KNL1: variants seen among roughly 807,000 people sequenced by gnomAD.
The protein encoded by KNL1 is outer kinetochore KNL1 complex subunit KNL1.
KNL1 carries 66 observed loss-of-function variants against 201.3 expected under a neutral mutation model. That is an observed-to-expected ratio of 0.33 (90% CI 0.27 to 0.40). The LOEUF is 0.40. Among genes scored for constraint, KNL1 ranks in the 10% least tolerant of loss-of-function variants. The pLI is 1.00. For missense variants in KNL1, 2,815 were observed against 2,690.5 expected (o/e 1.05, Z -1.02); for synonymous variants, 895 against 899.2 (o/e 1.00, Z 0.08).
At chr15:40,655,047 C>G in intron 22 of KNL1, 70 bp downstream of exon 22, 1 of 1,245,380 alleles carries the variant, frequency 8.0e-7, no homozygotes, top group Non-Finnish European at 1.2e-6. Flanking sequence ...CCTTTAATCC[C>G]AGCACTTTGG....
Position 40,628,655 on chromosome 15 carries a change from A to G in KNL1, c.5560A>G (p.Ile1854Val), listed in dbSNP as rs1892818549. ...QMESQFLRDT[I>V]CEESLREKLQ... ...GGAATCACAGTTTCTCAGAGATACT[A>G]TTTGTGAAGAGAGCTTGAGGGAGGT... is the stretch of plus-strand genomic sequence containing the variant. Residue 1854 changes from isoleucine to valine, a missense_variant, in exon 12 of 26, where the codon ATT (isoleucine) becomes GTT (valine). Ile to Val is a conservative substitution (Grantham distance 29). Coordinates refer to ENST00000399668, the MANE Select transcript of KNL1 (RefSeq NM_144508.5). The G allele has an allele frequency of 1.1e-5, 18 of 1,600,662 alleles. No homozygotes were observed. Among genetic ancestry groups the G allele is most frequent in the South Asian group, 6.8e-5 (6 of 88,464 alleles).
intron 19 of KNL1, 102 bp from the exon 20 acceptor site, chr15:40,651,369 G>A: frequency 1.8e-6 from 1 of 542,372 alleles, no homozygotes; most frequent in South Asian, 3.1e-5. Context: ...CCTCAATGGG[G>A]AGTCATGTAG....
intron 7 of KNL1, among the ~76,000 whole-genome samples, chr15:40,614,995 T>G (rs1310898120): frequency 1.3e-5 from 2 of 152,182 alleles, no homozygotes; most frequent in African/African-American, 4.8e-5. Context: ...ACTTCAGGTC[T>G]CAAGTGATCC....
At chr15:40,648,829 C>CTTTTT (rs35251316) in intron 17 of KNL1, among the ~76,000 whole-genome samples, 1 of 103,284 alleles carries the variant, frequency 9.7e-6, no homozygotes, top group Non-Finnish European at 2.1e-5. Context: ...ACTTAACTTT[C>CTTTTT]TTTTTTTTTT....
intron 3 of KNL1, 39 bp from the exon 4 acceptor site, chr15:40,606,354 T>C (rs777930213): frequency 9.9e-6 from 12 of 1,217,898 alleles, no homozygotes; most frequent in Non-Finnish European, 1.5e-5. Context: ...TTAATAGATA[T>C]GCCAGATTTT....
At chr15:40,637,480 T>G (rs566588706) in intron 13 of KNL1, among the ~76,000 whole-genome samples, 1 of 152,258 alleles carries the variant, frequency 6.6e-6, no homozygotes, top group African/African-American at 2.4e-5. Context: ...AGAAGTGATA[T>G]ACTCCAGGTT....
chr15:40,600,907 A>G (rs1481438955), intron 1 of KNL1, among the ~76,000 whole-genome samples: 1 of 152,252 alleles, frequency 6.6e-6, no homozygotes, highest in African/African-American at 2.4e-5. Context: ...TTAAAGCATT[A>G]TCAGCTATGC....
chr15:40,660,175 G>C (rs183981724), intron 25 of KNL1, among the ~76,000 whole-genome samples: 18 of 152,076 alleles, frequency 1.2e-4, no homozygotes, highest in Non-Finnish European at 2.4e-4. Flanking sequence ...CTTCCAAAGT[G>C]CTGGGGATTA....
At position 40,624,313 on chromosome 15, in the gene KNL1, A is replaced by T. The variant is rs1278406288; in HGVS notation, c.4049A>T (p.Tyr1350Phe). 2 of 1,613,956 alleles carry T rather than the reference A, an allele frequency of 1.2e-6. No individual in the cohort carries two copies. Among genetic ancestry groups the T allele is most frequent in the Non-Finnish European group, 1.7e-6 (2 of 1,179,962 alleles). The change falls in exon 10 of 26, where the codon TAC (tyrosine) becomes TTC (phenylalanine). Residue 1350 changes from tyrosine (Y) to phenylalanine (F), a missense_variant. Transcript: ENST00000399668. The stretch of plus-strand genomic sequence containing the variant: ...GCAAATGATTTTGCCAGTGAATATT[A>T]CTTGGAATCTGAGGGACAGCCTCTC... ...AYANDFASEY[Y>F]LESEGQPLSA...
At position 40,647,028 on chromosome 15, in the gene KNL1, TA is replaced by T; in HGVS notation, c.6052del (p.Ile2018TyrfsTer35). On this transcript the variant is annotated frameshift_variant, in exon 17 of 26. Transcript: ENST00000399668. LOFTEE classifies it high-confidence loss of function. ...KLQIKIDEMDKILKKIDNCLT... is the reference protein window; with the variant it reads ...KLQIKIDEMDXILKKIDNCLT... ...TTCAAATAAAGATAGATGAGATGGA[TA>T]AAATACTTAAGAAGATCGATAACTG... The T allele has an allele frequency of 6.5e-7, 1 of 1,535,032 alleles. No homozygotes were observed. Among genetic ancestry groups the T allele is most frequent in the East Asian group, 2.2e-5 (1 of 44,454 alleles).
chr15:40,627,082 T>G (rs1391266948), intron 10 of KNL1, among the ~76,000 whole-genome samples: 1 of 147,604 alleles, frequency 6.8e-6, no homozygotes, highest in Non-Finnish European at 1.5e-5. Flanking sequence ...TTCAGTAGAG[T>G]CAGGGTTTCA....
intron 13 of KNL1, among the ~76,000 whole-genome samples, chr15:40,631,120 AAAATAAAAATAAAAAT>A (rs1892900706): frequency 1.3e-5 from 2 of 151,630 alleles, no homozygotes; most frequent in African/African-American, 4.9e-5. Context: ...CCTGTCTCAA[AAAATAAAAATAAAAAT>A]AAATAAAAAT....
chr15:40,645,845 A>G, intron 16 of KNL1, 73 bp downstream of exon 16: 2 of 779,342 alleles, frequency 2.6e-6, no homozygotes, highest in South Asian at 4.7e-5. Context: ...TAGAATATGA[A>G]GAATCTTCCT....
rs371500985 is a variant in KNL1, at chr15:40,622,615, A to C, written c.2351A>C (p.Lys784Thr). Residue 784 changes from lysine to threonine, a missense_variant, in exon 10 of 26, where the codon AAA becomes ACA. Coordinates refer to ENST00000399668, the MANE Select transcript of KNL1 (RefSeq NM_144508.5). Reference protein sequence around the residue: ...FGPSELQELGKTNLEHTTGQL... With the variant: ...FGPSELQELGTTNLEHTTGQL... ...CCTTCTGAACTACAAGAACTTGGTAAAACTAATTTAGAACACACTACTGGC... is the reference window on the plus strand; with the variant it reads ...CCTTCTGAACTACAAGAACTTGGTACAACTAATTTAGAACACACTACTGGC... 9 of 1,604,030 alleles carry C rather than the reference A, an allele frequency of 5.6e-6. No individual in the cohort carries two copies. The African/African-American group carries it at 6.7e-5, about 12-fold the overall frequency.
intron 19 of KNL1, among the ~76,000 whole-genome samples, 179 bp from the exon 20 acceptor site, chr15:40,651,291 TA>T (rs1893552010): frequency 3.0e-5 from 1 of 33,036 alleles, no homozygotes; most frequent in Admixed American, 2.2e-4. Flanking sequence ...GATTAATGCT[TA>T]TATAAAAAAA....
At chr15:40,648,915 C>T (rs1220786613) in intron 17 of KNL1, among the ~76,000 whole-genome samples, 2 of 150,376 alleles carry the variant, frequency 1.3e-5, no homozygotes, top group Non-Finnish European at 3.0e-5. Flanking sequence ...CTGCAACCTC[C>T]GCCTCCCAGA....
intron 9 of KNL1, among the ~76,000 whole-genome samples, chr15:40,620,354 C>T (rs776195701): frequency 5.9e-5 from 9 of 151,994 alleles, no homozygotes; most frequent in East Asian, 1.9e-4. Context: ...TACAGGTGCC[C>T]GCCACCATGC....
At chr15:40,660,664 CAAAAAAAAAAA>C (rs35985022) in intron 25 of KNL1, among the ~76,000 whole-genome samples, 1 of 88,814 alleles carries the variant, frequency 1.1e-5, no homozygotes, top group South Asian at 4.2e-4. Context: ...AACTCCGTCT[CAAAAAAAAAAA>C]AAAAAAAAAA....
At chr15:40,620,489 C>A in intron 9 of KNL1, 151 bp from the exon 10 acceptor site, 1 of 448,498 alleles carries the variant, frequency 2.2e-6, no homozygotes, top group Non-Finnish European at 3.8e-6. Flanking sequence ...TTTTTAATGA[C>A]AAATTATATG....
Sources: gnomAD v4.1 joint callset for allele counts (sites outside exome capture counted in the v4.1 genomes callset) on GRCh38, gnomAD v4.1.1 for gene constraint, MANE v1.5 for transcripts, NCBI Gene and HGNC (gene_info 2026-07-23, HGNC 2026-07-21) for gene names.